The following TDRP variants were observed in gnomAD, a reference collection of about 807,000 sequenced individuals.
TDRP encodes the protein testis development related protein.
In TDRP, 12 loss-of-function variants were observed where a neutral mutation model predicts 10.5. The ratio of observed to expected loss-of-function variants is 1.15; its 90% CI spans 0.73 to 1.86. The LOEUF (loss-of-function observed/expected upper bound fraction) is 1.86, where lower values mean the gene tolerates loss of function less well. Among genes scored for constraint, TDRP ranks in the 40% most tolerant of loss-of-function variants. TDRP has a pLI of 0.00. For missense variants in TDRP, 353 were observed against 229.2 expected (o/e 1.54, Z -3.49); for synonymous variants, 139 against 95.4 (o/e 1.46, Z -2.67).
chr8:541,041 C>T (rs1401402649), intron 1 of TDRP, among the ~76,000 whole-genome samples: 1 of 152,182 alleles, frequency 6.6e-6, no homozygotes, highest in Non-Finnish European at 1.5e-5. Flanking sequence ...ATCCTATTTG[C>T]ATATTAATTC....
chr8:543,937 A>AGGGGGGGGGGGGGGGGGGG (rs1186683495), intron 1 of TDRP, among the ~76,000 whole-genome samples: 2 of 18,680 alleles, frequency 1.1e-4, no homozygotes, highest in African/African-American at 3.9e-4. Flanking sequence ...AGGGGGGGGG[A>AGGGGGGGGGGGGGGGGGGG]GGGGGTGGGG....
At chr8:538,569 G>A (rs1225746535) in intron 1 of TDRP, among the ~76,000 whole-genome samples, 4 of 152,182 alleles carry the variant, frequency 2.6e-5, no homozygotes, top group Non-Finnish European at 5.9e-5. Context: ...TAGGTCAAGT[G>A]GCTCAACAAA....
intron 1 of TDRP, among the ~76,000 whole-genome samples, chr8:502,103 G>T (rs965291944): frequency 6.6e-6 from 1 of 152,210 alleles, no homozygotes; most frequent in Non-Finnish European, 1.5e-5. Context: ...CTGTGAAAAT[G>T]CTGTGATCCT....
At chr8:497,923 G>C (rs1489343612) in intron 1 of TDRP, among the ~76,000 whole-genome samples, 1 of 152,176 alleles carries the variant, frequency 6.6e-6, no homozygotes, top group Non-Finnish European at 1.5e-5. Context: ...CCCAAGCCTT[G>C]GTGGTTTCTA....
rs540055637 is a variant in TDRP, at chr8:502,789, T to C, written c.109-8192A>G. On this transcript the variant is annotated intron_variant, in intron 1 of 2. Coordinates refer to ENST00000324079, the MANE Select transcript of TDRP (RefSeq NM_001384899.1). ...TGCATCAACATGGAATCCAGAGCCA[T>C]ACACTGGAACCAATGCCCACCTCAA... Among the ~76,000 whole-genome samples, 116 of 118,516 alleles carry C rather than the reference T, an allele frequency of 9.8e-4. No individual in the cohort carries two copies. The Middle Eastern group carries it at 0.02, about 20-fold the overall frequency. 77.8% of individuals were successfully genotyped at this position (118,516 alleles called of 152,430 possible).
At chr8:512,588 AAAGG>A (rs1207905368) in intron 1 of TDRP, among the ~76,000 whole-genome samples, 1 of 152,212 alleles carries the variant, frequency 6.6e-6, no homozygotes, top group Non-Finnish European at 1.5e-5. Context: ...TCAAAAAAAA[AAAGG>A]CAACTTAGAA....
chr8:520,176 A>G (rs1305384305), intron 1 of TDRP, among the ~76,000 whole-genome samples: 1 of 152,242 alleles, frequency 6.6e-6, no homozygotes, highest in African/African-American at 2.4e-5. Context: ...GACTACTTTC[A>G]ATACCTCATG....
Position 544,784 on chromosome 8 carries a change from G to A in TDRP, c.-27C>T, listed in dbSNP as rs1257534460. On this transcript the variant is annotated 5_prime_UTR_variant, in exon 1 of 3. It adds an upstream start codon to the 5' untranslated region. Coordinates refer to ENST00000324079, the MANE Select transcript of TDRP (RefSeq NM_001384899.1). ...GTCAGGCGGGCTCCGGCGTCCCTCCGTCCGTGCGTCGGGCTGTGGCTCCGC... is the reference window on the plus strand; with the variant it reads ...GTCAGGCGGGCTCCGGCGTCCCTCCATCCGTGCGTCGGGCTGTGGCTCCGC... The A allele has an allele frequency of 2.5e-6, 3 of 1,224,394 alleles. No individual in the cohort carries two copies. The highest frequency in any genetic ancestry group is 3.1e-6 in the Non-Finnish European group (3 of 980,346). The allele number at this position is 1,224,394 out of a possible 1,614,324, so 75.8% of individuals were successfully genotyped here.
intron 1 of TDRP, among the ~76,000 whole-genome samples, chr8:520,764 G>C (rs903090524): frequency 1.1e-4 from 17 of 152,262 alleles, no homozygotes; most frequent in African/African-American, 3.6e-4. Flanking sequence ...GTCTACTCAA[G>C]TCCATTGCCC....
At chr8:508,078 T>C (rs1014390110) in intron 1 of TDRP, among the ~76,000 whole-genome samples, 2 of 152,218 alleles carry the variant, frequency 1.3e-5, no homozygotes, top group Admixed American at 6.5e-5. Flanking sequence ...ATTATAAATA[T>C]GTTAACAAAG....
At chr8:519,288 G>C (rs58235956) in intron 1 of TDRP, among the ~76,000 whole-genome samples, 11,584 of 152,108 alleles carry the variant, frequency 0.076, 699 homozygotes, top group East Asian at 0.25. Flanking sequence ...CTCTTCTGTT[G>C]AGCTGTTCCT....
intron 1 of TDRP, among the ~76,000 whole-genome samples, chr8:515,506 C>T (rs567019057): frequency 6.6e-6 from 1 of 152,126 alleles, no homozygotes; most frequent in Non-Finnish European, 1.5e-5. Context: ...CCAAAATGCT[C>T]CAATGGGCAT....
At chr8:528,282 A>G (rs1436337024) in intron 1 of TDRP, among the ~76,000 whole-genome samples, 1 of 152,198 alleles carries the variant, frequency 6.6e-6, no homozygotes, top group Admixed American at 6.5e-5. Flanking sequence ...GGATGTGGAG[A>G]AAAGGAAACC....
chr8:524,291 C>G (rs780332649), intron 1 of TDRP, among the ~76,000 whole-genome samples: 1 of 152,136 alleles, frequency 6.6e-6, no homozygotes, highest in Non-Finnish European at 1.5e-5. Context: ...ACACCCAAGT[C>G]CCTTTGAATA....
intron 1 of TDRP, among the ~76,000 whole-genome samples, chr8:508,937 G>A (rs1048431521): frequency 6.6e-6 from 1 of 152,198 alleles, no homozygotes; most frequent in Non-Finnish European, 1.5e-5. Context: ...GCTTCAAATG[G>A]GAGAAACTGG....
chr8:490,090 G>C lies in TDRP; in HGVS notation c.*2309C>G, dbSNP rs1484004906. 2.6e-5 allele frequency: 4 copies of C among 152,200 alleles called. No individual in the cohort carries two copies. Among genetic ancestry groups the C allele is most frequent in the African/African-American group, 9.7e-5 (4 of 41,450 alleles). 9.4% of individuals were successfully genotyped at this position (152,200 alleles called of 1,614,324 possible). A position where few individuals can be genotyped will look rare whatever the true frequency, so the allele number is the denominator to read the frequency against. ...AACTCTCTTCACACAAGGAAGCTGT[G>C]TGTTTACACAATTCAAACACCCAGA... On this transcript the variant is annotated 3_prime_UTR_variant, in exon 3 of 3. Transcript: ENST00000324079.
intron 1 of TDRP, among the ~76,000 whole-genome samples, chr8:495,550 T>C (rs995322343): frequency 6.6e-6 from 1 of 152,182 alleles, no homozygotes; most frequent in Admixed American, 6.5e-5. Context: ...GAGAAAACCA[T>C]CTGAAAATCC....
rs374002766 is a variant in TDRP, at chr8:498,951, G to A, written c.109-4354C>T. ...CCTTGTTTTCCCTTCACCTCCTTAC[G>A]TAAGTTTCCTGAGGCCTCCCCAGCC... On this transcript the variant is annotated intron_variant, in intron 1 of 2. Transcript: ENST00000324079. 5.9e-5 allele frequency among the ~76,000 whole-genome samples: 9 copies of A among 151,912 alleles called. 1 individual carries two copies. The highest frequency in any genetic ancestry group is 3.3e-4 in the Admixed American group (5 of 15,262).
In TDRP at chr8:503,848, C is replaced by T. The variant is rs546000554; in HGVS notation, c.109-9251G>A. Among the ~76,000 whole-genome samples, 11 of 146,738 alleles carry T rather than the reference C, an allele frequency of 7.5e-5. No homozygotes were observed. The East Asian group carries it at 1.4e-3, about 18-fold the overall frequency. Reference sequence around the variant, plus strand: ...CAAGAGCCACACACTGGAACCAATGCCCACCTCTGCACACACCAACACGGA... The same window carrying T: ...CAAGAGCCACACACTGGAACCAATGTCCACCTCTGCACACACCAACACGGA... On this transcript the variant is annotated intron_variant, in intron 1 of 2. Transcript: ENST00000324079.
Sources: allele counts gnomAD v4.1 joint callset (sites outside exome capture counted in the v4.1 genomes callset), GRCh38; gene constraint gnomAD v4.1.1; transcripts MANE v1.5; gene names NCBI Gene and HGNC (gene_info 2026-07-23, HGNC 2026-07-21).